ATP8B4: variants seen among roughly 807,000 people sequenced by gnomAD.
ATP8B4 encodes ATPase phospholipid transporting 8B4 (putative).
Under a neutral mutation model 145.6 loss-of-function variants are expected in ATP8B4, and 133 were observed. The ratio of observed to expected loss-of-function variants is 0.91; its 90% CI spans 0.79 to 1.05. ATP8B4 has a LOEUF of 1.05. Among genes scored for constraint, ATP8B4 ranks in the 50% least tolerant of loss-of-function variants. ATP8B4 has a pLI of 0.00. For missense variants in ATP8B4, 1,458 were observed against 1,425.2 expected (o/e 1.02, Z -0.37); for synonymous variants, 507 against 492.9 (o/e 1.03, Z -0.38).
At chr15:50,024,985 C>T (rs533769991) in intron 6 of ATP8B4, among the ~76,000 whole-genome samples, 1 of 152,300 alleles carries the variant, frequency 6.6e-6, no homozygotes, top group South Asian at 2.1e-4. Flanking sequence ...ATGAATACTT[C>T]TCCTTGCCCC....
intron 20 of ATP8B4, chr15:49,908,110 C>G (rs1017521812): frequency 6.6e-6 from 3 of 456,024 alleles, no homozygotes; most frequent in Non-Finnish European, 8.8e-6. Context: ...GATTGAGTTT[C>G]TTAAGAACAA....
intron 7 of ATP8B4, among the ~76,000 whole-genome samples, chr15:50,006,712 T>C (rs1379123762): frequency 6.6e-6 from 1 of 152,204 alleles, no homozygotes; most frequent in African/African-American, 2.4e-5. Context: ...AACAATTCTA[T>C]GAATGCCTTT....
At chr15:49,914,781 G>A (rs1265858549) in intron 20 of ATP8B4, among the ~76,000 whole-genome samples, 1 of 152,048 alleles carries the variant, frequency 6.6e-6, no homozygotes, top group East Asian at 1.9e-4. Flanking sequence ...TTTTATTTCA[G>A]CTAGAATAGC....
intron 12 of ATP8B4, among the ~76,000 whole-genome samples, chr15:49,976,382 A>C (rs141668395): frequency 0.015 from 2,209 of 150,380 alleles, 171 homozygotes; most frequent in Admixed American, 0.12. Context: ...AGAGGCAGTC[A>C]ATCAGTCTTG....
intron 25 of ATP8B4, among the ~76,000 whole-genome samples, chr15:49,869,108 G>T (rs1334037122): frequency 6.6e-6 from 1 of 151,966 alleles, no homozygotes; most frequent in Non-Finnish European, 1.5e-5. Context: ...ACAGGGTTTC[G>T]CCATGTTGGC....
chr15:50,119,994 C>T (rs1387399301), upstream of ATP8B4, among the ~76,000 whole-genome samples: 4 of 151,740 alleles, frequency 2.6e-5, no homozygotes, highest in Admixed American at 2.0e-4. Flanking sequence ...GTTGTTAAAG[C>T]GGGATTAGAT....
intron 3 of ATP8B4, among the ~76,000 whole-genome samples, chr15:50,050,171 G>A (rs1028783905): frequency 1.3e-5 from 2 of 152,106 alleles, no homozygotes; most frequent in Non-Finnish European, 2.9e-5. Context: ...GCTCTTTTGG[G>A]TCCATCCCAG....
chr15:49,899,273 G>A (rs1468369515), intron 21 of ATP8B4, among the ~76,000 whole-genome samples: 1 of 152,052 alleles, frequency 6.6e-6, no homozygotes, highest in Non-Finnish European at 1.5e-5. Context: ...CTCCCACAAA[G>A]AAGTAAATTT....
intron 2 of ATP8B4, among the ~76,000 whole-genome samples, chr15:50,085,910 T>TATA (rs1491207773): frequency 1.0e-5 from 1 of 96,984 alleles, no homozygotes; most frequent in African/African-American, 4.8e-5. Context: ...ATCATATATA[T>TATA]TTATATATGA....
intron 24 of ATP8B4, among the ~76,000 whole-genome samples, chr15:49,879,035 G>T (rs955290718): frequency 6.6e-6 from 1 of 152,206 alleles, no homozygotes; most frequent in Non-Finnish European, 1.5e-5. Context: ...GGTGCTATAT[G>T]AAAACATATA....
chr15:49,915,722 C>G (rs1312694013), intron 20 of ATP8B4, among the ~76,000 whole-genome samples: 2 of 151,586 alleles, frequency 1.3e-5, no homozygotes, highest in Non-Finnish European at 2.9e-5. Flanking sequence ...AAAATTATAC[C>G]AATAATAATA....
At position 50,145,828 on chromosome 15, in the gene ATP8B4, G is replaced by A. The variant is rs184299408; in HGVS notation, c.-43+36433C>T. The stretch of plus-strand genomic sequence containing the variant: ...ATTTCTATTTGGCCAAAGCTACTTT[G>A]TCAGAAGATATATGAATATGTCCTA... On this transcript the variant is annotated intron_variant, in intron 1 of 3. Transcript: ENST00000558829. Among the ~76,000 whole-genome samples the A allele has an allele frequency of 1.1e-4, 17 of 152,132 alleles. No individual in the cohort carries two copies. In the East Asian group the frequency reaches 2.1e-3, roughly 19 times the overall value.
chr15:49,999,606 C>T (rs1184710180), intron 8 of ATP8B4, among the ~76,000 whole-genome samples: 1 of 152,102 alleles, frequency 6.6e-6, no homozygotes, highest in East Asian at 1.9e-4. Context: ...TCATTCCACA[C>T]TCTTGCTTAA....
intron 1 of ATP8B4, among the ~76,000 whole-genome samples, chr15:50,138,960 G>GA (rs1313601950): frequency 2.0e-5 from 3 of 152,124 alleles, no homozygotes; most frequent in African/African-American, 4.8e-5. Context: ...CAAGGCTGTG[G>GA]AAAAAACAAT....
At chr15:49,942,773 C>T (rs1247504066) in intron 14 of ATP8B4, among the ~76,000 whole-genome samples, 7 of 151,622 alleles carry the variant, frequency 4.6e-5, no homozygotes, top group East Asian at 1.9e-4. Context: ...TGCAGTGAGC[C>T]GAGATCGCGC....
At chr15:50,136,883 T>C (rs1481412628) in intron 1 of ATP8B4, among the ~76,000 whole-genome samples, 1 of 152,202 alleles carries the variant, frequency 6.6e-6, no homozygotes, top group Non-Finnish European at 1.5e-5. Context: ...GAGGATCCAA[T>C]AAAATAATGT....
intron 3 of ATP8B4, among the ~76,000 whole-genome samples, chr15:50,055,925 C>T (rs978977298): frequency 2.6e-5 from 4 of 152,150 alleles, no homozygotes; most frequent in African/African-American, 9.7e-5. Flanking sequence ...CCAGGAAGAA[C>T]CCCTGGTAGT....
chr15:49,994,387 C>T (rs547839717), intron 9 of ATP8B4, among the ~76,000 whole-genome samples: 6 of 152,102 alleles, frequency 3.9e-5, no homozygotes, highest in South Asian at 2.1e-4. Flanking sequence ...TGGGCCCTGA[C>T]GCTAGTCTTC....
At chr15:49,917,241 C>A (rs1009878413) in intron 19 of ATP8B4, 5 of 527,334 alleles carry the variant, frequency 9.5e-6, no homozygotes, top group African/African-American at 7.7e-5. Flanking sequence ...TCCCTACTTG[C>A]TAAACCCATG....
Sources: allele counts gnomAD v4.1 joint callset (sites outside exome capture counted in the v4.1 genomes callset), GRCh38; gene constraint gnomAD v4.1.1; transcripts MANE v1.5; gene names NCBI Gene and HGNC (gene_info 2026-07-23, HGNC 2026-07-21).